The following ARHGAP36 variants were observed in gnomAD, a reference collection of about 807,000 sequenced individuals.
ARHGAP36 encodes Rho GTPase activating protein 36.
In ARHGAP36, 7 loss-of-function variants were observed where a neutral mutation model predicts 32.9. That is an observed-to-expected ratio of 0.21 (90% confidence interval 0.12 to 0.40). The LOEUF (loss-of-function observed/expected upper bound fraction) is 0.40, where lower values mean the gene tolerates loss of function less well. Ranked by LOEUF, ARHGAP36 falls within the 10% of genes least tolerant of loss-of-function variation. The pLI, the probability that ARHGAP36 is intolerant of heterozygous loss-of-function variation, is 1.00. For missense variants in ARHGAP36, 383 were observed against 442.2 expected (o/e 0.87, Z 1.20); for synonymous variants, 165 against 168.3 (o/e 0.98, Z 0.15).
In ARHGAP36 at chrX:131,078,232, T is replaced by C. The variant is rs543094618; in HGVS notation, c.-142-3292T>C. ...CTCAGACAACCACTGAAATGGATAC[T>C]GTGTCATTTCACCATTTTATAGAGA... On this transcript the variant is annotated intron_variant, in intron 1 of 11. Transcript: ENST00000276211. 7.0e-5 allele frequency among the ~76,000 whole-genome samples: 7 copies of C among 100,445 alleles called. No homozygotes were observed. The South Asian group carries it at 2.7e-3, about 39-fold the overall frequency. The allele number at this position is 100,445 out of a possible 115,157, so 87.2% of individuals were successfully genotyped here.
At chrX:131,076,847 C>T (rs912115990) in intron 1 of ARHGAP36, among the ~76,000 whole-genome samples, 4 of 111,921 alleles carry the variant, frequency 3.6e-5, no homozygotes, top group Admixed American at 1.9e-4. Flanking sequence ...CTGAAACATT[C>T]TAATATTATA....
chrX:131,066,543 T>C (rs969700557), intron 1 of ARHGAP36, among the ~76,000 whole-genome samples: 1 of 112,244 alleles, frequency 8.9e-6, no homozygotes, highest in Admixed American at 9.4e-5. Context: ...GTATCCGCTG[T>C]CTGGGAGACA....
At chrX:131,067,392 G>T (rs2148636669) in intron 1 of ARHGAP36, among the ~76,000 whole-genome samples, 1 of 113,497 alleles carries the variant, frequency 8.8e-6, no homozygotes, top group East Asian at 2.8e-4. Flanking sequence ...CCAATCACGT[G>T]CGGTGCCCTC....
Position 131,086,010 on chromosome X carries a change from C to G in ARHGAP36, c.1202C>G (p.Thr401Arg). 1 of 1,211,616 alleles carries G rather than the reference C, an allele frequency of 8.3e-7. No individual in the cohort carries two copies. Among genetic ancestry groups the G allele is most frequent in the African/African-American group, 1.7e-5 (1 of 57,688 alleles). The change falls in exon 9 of 12, where the codon ACA becomes AGA. Residue 401 changes from threonine (T) to arginine (R), a missense_variant. Transcript: ENST00000276211. ...TTTGGCAAGAGAGAGTCCAGGAAAA[C>G]AAAGCTGGGGATTGATCACTATGTT... ...GKFGKRESRK[T>R]KLGIDHYVAS...
In ARHGAP36 at chrX:131,067,403, C is replaced by T. The variant is rs2079704948; in HGVS notation, c.-143+8959C>T. Among the ~76,000 whole-genome samples the T allele has an allele frequency of 2.6e-5, 3 of 113,540 alleles. No individual in the cohort carries two copies. The South Asian group carries it at 1.1e-3, about 40-fold the overall frequency. On this transcript the variant is annotated intron_variant, in intron 1 of 11. Coordinates refer to ENST00000276211, the MANE Select transcript of ARHGAP36 (RefSeq NM_144967.4). Reference sequence around the variant, plus strand: ...CTGGCCAATCACGTGCGGTGCCCTCCTCTTCTTTCCTTTAAGCAGCCAGGT... The same window carrying T: ...CTGGCCAATCACGTGCGGTGCCCTCTTCTTCTTTCCTTTAAGCAGCCAGGT...
chrX:131,084,466 C>A, intron 5 of ARHGAP36, 59 bp downstream of exon 5: 1 of 1,160,273 alleles, frequency 8.6e-7, no homozygotes, highest in Admixed American at 2.3e-5. Context: ...GAGGGATGTT[C>A]TGGAAATGGG....
intron 1 of ARHGAP36, among the ~76,000 whole-genome samples, chrX:131,062,015 T>C (rs1158827104): frequency 8.9e-6 from 1 of 112,284 alleles, no homozygotes; most frequent in Non-Finnish European, 1.9e-5. Context: ...ATTATGGCAA[T>C]GGTGAAAGTA....
chrX:131,070,194 G>C (rs185189671), intron 1 of ARHGAP36, among the ~76,000 whole-genome samples: 2 of 112,685 alleles, frequency 1.8e-5, no homozygotes, highest in East Asian at 5.6e-4. Context: ...CTGTCTGGAA[G>C]AGCATTGCTT....
At chrX:131,059,421 G>A (rs963505337) in intron 1 of ARHGAP36, among the ~76,000 whole-genome samples, 1 of 109,623 alleles carries the variant, frequency 9.1e-6, no homozygotes, top group African/African-American at 3.3e-5. Flanking sequence ...GTGAGAGTGC[G>A]TCATTGGGCA....
chrX:131,065,384 C>A lies in ARHGAP36; in HGVS notation c.-143+6940C>A, dbSNP rs189998899. Among the ~76,000 whole-genome samples, 227 of 110,857 alleles carry A rather than the reference C, an allele frequency of 2.0e-3. 1 individual carries two copies. The highest frequency in any genetic ancestry group is 7.0e-3 in the African/African-American group (212 of 30,467). ...CTAGCGATGTGTTTATGCATTTGTG[C>A]GTATGTGTGTGTGCTGGTGTTGAGA... is the stretch of plus-strand genomic sequence containing the variant. On this transcript the variant is annotated intron_variant, in intron 1 of 11. Transcript: ENST00000276211.
rs906350877 is a variant in ARHGAP36, at chrX:131,085,056, T to C, written c.947T>C (p.Leu316Pro). ...LPDDLYMSFL[L>P]TATLKPQDQL... is the part of the protein sequence containing the mutation. ...GATGATCTGTACATGTCATTCCTCC[T>C]GACAGCAAGTGAGTCTTCTGACCTC... The change falls in exon 7 of 12, where the codon CTG (leucine) becomes CCG (proline). Residue 316 changes from leucine to proline, a missense_variant. Leu to Pro is a moderately conservative substitution (Grantham distance 98). Coordinates refer to ENST00000276211, the MANE Select transcript of ARHGAP36 (RefSeq NM_144967.4). 2.5e-6 allele frequency: 3 copies of C among 1,206,356 alleles called. No homozygotes were observed. Among genetic ancestry groups the C allele is most frequent in the Non-Finnish European group, 3.4e-6 (3 of 894,091 alleles).
In ARHGAP36 at chrX:131,081,754, T is replaced by G. The variant is rs781636488; in HGVS notation, c.89T>G (p.Phe30Cys). Residue 30 changes from phenylalanine (F) to cysteine (C), a missense_variant, in exon 2 of 12, where the codon TTT becomes TGT. Around this residue, in one of 2 missense-constraint regions of ARHGAP36, gnomAD observed 156 missense variants for 131.0 expected, o/e 1.19. Transcript: ENST00000276211. ...TTGCTGTTGTTGTCCGCCTTCATTT[T>G]TTTAGTGAGTGTCTTGGGAGGAGCC... Reference protein sequence around the residue: ...PPLLLLSAFIFLVSVLGGAPG... With the variant: ...PPLLLLSAFICLVSVLGGAPG... 1 of 1,212,122 alleles carries G rather than the reference T, an allele frequency of 8.2e-7. No homozygotes were observed. Among genetic ancestry groups the G allele is most frequent in the Non-Finnish European group, 1.1e-6 (1 of 895,611 alleles).
At chrX:131,086,924 A>T (rs1569369786) in intron 11 of ARHGAP36, among the ~76,000 whole-genome samples, 2 of 111,994 alleles carry the variant, frequency 1.8e-5, no homozygotes, top group Admixed American at 9.4e-5. Context: ...GAGGAAGATG[A>T]TGATGATGAT....
intron 1 of ARHGAP36, among the ~76,000 whole-genome samples, chrX:131,072,291 T>C (rs1204833573): frequency 8.9e-6 from 1 of 111,969 alleles, no homozygotes; most frequent in Non-Finnish European, 1.9e-5. Flanking sequence ...AAAATGACCT[T>C]TTTATCTCTG....
At chrX:131,085,395 G>A (rs1029040790) in intron 7 of ARHGAP36, among the ~76,000 whole-genome samples, 193 bp from the exon 8 acceptor site, 5 of 109,332 alleles carry the variant, frequency 4.6e-5, no homozygotes, top group African/African-American at 1.7e-4. Context: ...TGTAGAGGAG[G>A]TCTGGTTTTT....
In ARHGAP36 at chrX:131,085,996, A is replaced by C. The variant is rs1302434869; in HGVS notation, c.1188A>C (p.Arg396Ser). Residue 396 changes from arginine to serine, a missense_variant, in exon 9 of 12, where the codon AGA becomes AGC. Transcript: ENST00000276211. ...TGAAAAAAGGAAAGTTTGGCAAGAG[A>C]GAGTCCAGGAAAACAAAGCTGGGGA... The part of the protein sequence containing the change: ...ALLKKGKFGK[R>S]ESRKTKLGID... 8.3e-7 allele frequency: 1 copy of C among 1,211,505 alleles called. No individual in the cohort carries two copies. The highest frequency in any genetic ancestry group is 1.7e-5 in the African/African-American group (1 of 57,690).
chrX:131,082,910 G>A (rs2148642199), intron 2 of ARHGAP36, among the ~76,000 whole-genome samples: 1 of 113,618 alleles, frequency 8.8e-6, no homozygotes, highest in South Asian at 3.5e-4. Flanking sequence ...GTAGCAAGAT[G>A]CGCGGTGCGC....
At chrX:131,059,943 G>A (rs1320817318) in intron 1 of ARHGAP36, among the ~76,000 whole-genome samples, 1 of 111,342 alleles carries the variant, frequency 9.0e-6, no homozygotes, top group African/African-American at 3.3e-5. Context: ...ACACCAGGAA[G>A]CCCATTCCCA....
chrX:131,068,574 T>C (rs1170081244), intron 1 of ARHGAP36, among the ~76,000 whole-genome samples: 1 of 109,875 alleles, frequency 9.1e-6, no homozygotes, highest in African/African-American at 3.3e-5. Flanking sequence ...AGGCTCCTCC[T>C]CCCAGTACCC....
Sources: gnomAD v4.1 joint callset for allele counts (sites outside exome capture counted in the v4.1 genomes callset) on GRCh38, gnomAD v4.1.1 for gene constraint, gnomAD v4.1.1 regional missense constraint, MANE v1.5 for transcripts, NCBI Gene and HGNC (gene_info 2026-07-23, HGNC 2026-07-21) for gene names.